NECAB1: variants seen among roughly 807,000 people sequenced by gnomAD.
The protein encoded by NECAB1 is N-terminal EF-hand calcium binding protein 1.
Under a neutral mutation model 57.5 loss-of-function variants are expected in NECAB1, and 29 were observed. The ratio of observed to expected loss-of-function variants is 0.50; its 90% CI spans 0.38 to 0.69. The LOEUF (loss-of-function observed/expected upper bound fraction) is 0.69. Among genes scored for constraint, NECAB1 ranks in the 30% least tolerant of loss-of-function variants. NECAB1 has a pLI of 0.00. For missense variants in NECAB1, 372 were observed against 413.8 expected, an observed-to-expected ratio of 0.90 and a Z score of 0.88; for synonymous variants, 142 against 147.7, an observed-to-expected ratio of 0.96 and a Z score of 0.28.
intron 2 of NECAB1, among the ~76,000 whole-genome samples, chr8:90,805,149 G>A (rs1432785052): frequency 6.6e-6 from 1 of 152,200 alleles, no homozygotes; most frequent in Non-Finnish European, 1.5e-5. Context: ...GAAAAGGATA[G>A]TGGATAATCT....
At chr8:90,846,666 G>A (rs929565258) in intron 3 of NECAB1, among the ~76,000 whole-genome samples, 1 of 152,198 alleles carries the variant, frequency 6.6e-6, no homozygotes, top group African/African-American at 2.4e-5. Context: ...AGGTTTAATG[G>A]ATTCACAGTT....
In NECAB1 at chr8:90,935,512, G is replaced by A. The variant is rs75710241; in HGVS notation, c.747+1155G>A. On this transcript the variant is annotated intron_variant, in intron 9 of 12. Coordinates refer to ENST00000417640, the MANE Select transcript of NECAB1 (RefSeq NM_022351.5). ...GGGAAAGAGAGGAGAGGGGTGTTGA[G>A]CACATATACATACTAAGAATAGCGG... Among the ~76,000 whole-genome samples the A allele has an allele frequency of 1.9e-3, 289 of 152,222 alleles. 1 individual carries two copies. Among genetic ancestry groups the A allele is most frequent in the African/African-American group, 6.7e-3 (277 of 41,528 alleles).
intron 1 of NECAB1, 55 bp downstream of exon 1, chr8:90,792,040 C>A: frequency 7.1e-7 from 1 of 1,405,422 alleles, no homozygotes; most frequent in Non-Finnish European, 9.8e-7. Context: ...TTCTTTTCCC[C>A]GAAAGGAAGG....
intron 4 of NECAB1, among the ~76,000 whole-genome samples, chr8:90,879,028 ATATTTAT>A (rs980639040): frequency 2.9e-3 from 417 of 142,824 alleles, no homozygotes; most frequent in Non-Finnish European, 3.8e-3. Flanking sequence ...AATATATATT[ATATTTAT>A]TATTTATTAT....
intron 3 of NECAB1, among the ~76,000 whole-genome samples, chr8:90,841,892 T>C (rs1812462519): frequency 6.6e-6 from 1 of 152,196 alleles, no homozygotes; most frequent in African/African-American, 2.4e-5. Flanking sequence ...TGCAGTTCTC[T>C]AAAAGGTGGA....
intron 2 of NECAB1, among the ~76,000 whole-genome samples, chr8:90,805,829 A>G (rs1368051469): frequency 6.6e-6 from 1 of 152,212 alleles, no homozygotes; most frequent in African/African-American, 2.4e-5. Flanking sequence ...AATTCTTACA[A>G]TAATCAAATT....
intron 2 of NECAB1, chr8:90,813,171 G>C (rs941500501): frequency 1.3e-5 from 2 of 151,958 alleles, no homozygotes; most frequent in Non-Finnish European, 2.9e-5. Context: ...CTGGGCGAAA[G>C]AGCGAGACTC....
chr8:90,867,564 C>T (rs763943635), intron 3 of NECAB1, among the ~76,000 whole-genome samples: 14 of 152,062 alleles, frequency 9.2e-5, no homozygotes, highest in South Asian at 2.1e-4. Flanking sequence ...TCTATCATTC[C>T]GAGACTTCTA....
intron 8 of NECAB1, among the ~76,000 whole-genome samples, chr8:90,931,905 A>T (rs1810416001): frequency 6.6e-6 from 1 of 150,574 alleles, no homozygotes; most frequent in Non-Finnish European, 1.5e-5. Flanking sequence ...CTCCATCTCA[A>T]AAAAATAAAA....
At chr8:90,824,572 TTTTC>T in intron 2 of NECAB1, 141 bp from the exon 3 acceptor site, 1 of 470,736 alleles carries the variant, frequency 2.1e-6, no homozygotes, top group Non-Finnish European at 3.8e-6. Flanking sequence ...ATTAAATTAT[TTTTC>T]TTTTTAACAC....
Position 90,917,349 on chromosome 8 carries a change from G to T in NECAB1, c.358-143G>T, listed in dbSNP as rs925398904. On this transcript the variant is annotated intron_variant, in intron 5 of 12. Transcript: ENST00000417640. ...TGAGAGTGATGCTGTAGCCTCCAGG[G>T]CTCGACAGATCTTTTCCCTTCTCTC... 4 of 598,534 alleles carry T rather than the reference G, an allele frequency of 6.7e-6. No individual in the cohort carries two copies. The African/African-American group carries it at 7.5e-5, about 11-fold the overall frequency. The allele number at this position is 598,534 out of a possible 1,614,324, so 37.1% of individuals were successfully genotyped here.
In NECAB1 at chr8:90,857,822, C is replaced by A. The variant is rs1812821222; in HGVS notation, c.234-14306C>A. Among the ~76,000 whole-genome samples, 3 of 151,980 alleles carry A rather than the reference C, an allele frequency of 2.0e-5. No homozygotes were observed. In the South Asian group the frequency reaches 6.2e-4, roughly 32 times the overall value. Reference sequence around the variant, plus strand: ...TTTACAATAATTAGTGAAAATTATTCAATTCTCATACATTAGTTATTTGCA... The same window carrying A: ...TTTACAATAATTAGTGAAAATTATTAAATTCTCATACATTAGTTATTTGCA... On this transcript the variant is annotated intron_variant, in intron 3 of 12. Transcript: ENST00000417640.
intron 12 of NECAB1, among the ~76,000 whole-genome samples, chr8:90,955,044 T>C: frequency 6.9e-6 from 1 of 145,048 alleles, no homozygotes; most frequent in Non-Finnish European, 1.5e-5. Context: ...TGCAGGTGCA[T>C]GTATGTACAT....
chr8:90,934,350 C>T lies in NECAB1; in HGVS notation c.740C>T (p.Thr247Ile). The change falls in exon 9 of 13, where the codon ACT becomes ATT. Residue 247 changes from threonine to isoleucine, a missense_variant. Transcript: ENST00000417640. ...GAAGAAGAAATTATTGAAGGGAATA[C>T]TAAATCTGTAAGTATTTTTATCAGG... ...PPEEEIIEGN[T>I]KSHIMLVQRQ... 2.7e-6 allele frequency: 4 copies of T among 1,495,902 alleles called. No individual in the cohort carries two copies. The highest frequency in any genetic ancestry group is 3.6e-6 in the Non-Finnish European group (4 of 1,115,430). The allele number at this position is 1,495,902 out of a possible 1,614,324, so 92.7% of individuals were successfully genotyped here. A position where few individuals can be genotyped will look rare whatever the true frequency, so the allele number is the denominator to read the frequency against.
At chr8:90,830,562 G>T (rs779949659) in intron 3 of NECAB1, among the ~76,000 whole-genome samples, 1 of 152,104 alleles carries the variant, frequency 6.6e-6, no homozygotes, top group Admixed American at 6.6e-5. Flanking sequence ...CTGTGCTCCA[G>T]GTATTCAGAC....
At position 90,949,870 on chromosome 8, in the gene NECAB1, T is replaced by C. The variant is rs374245319; in HGVS notation, c.924T>C (p.Ser308=). ...RYMIYEFWEN[S]SVWNSHLQTN... ...TGATCTATGAGTTCTGGGAGAATAG[T>C]AGTGTATGGAATAGGTAAGTTGTGA... Residue 308 remains serine (S), a synonymous_variant, in exon 11 of 13, where the codon AGT becomes AGC. Coordinates refer to ENST00000417640, the MANE Select transcript of NECAB1 (RefSeq NM_022351.5). 3.1e-6 allele frequency: 5 copies of C among 1,605,682 alleles called. No homozygotes were observed. Among genetic ancestry groups the C allele is most frequent in the East Asian group, 2.2e-5 (1 of 44,730 alleles).
chr8:90,839,267 G>A (rs1379479343), intron 3 of NECAB1, among the ~76,000 whole-genome samples: 2 of 152,198 alleles, frequency 1.3e-5, no homozygotes, highest in African/African-American at 4.8e-5. Context: ...CAGGAGATTA[G>A]GGAGAGAGGA....
chr8:90,867,856 T>C (rs533750610), intron 3 of NECAB1, among the ~76,000 whole-genome samples: 2 of 152,316 alleles, frequency 1.3e-5, no homozygotes, highest in East Asian at 3.9e-4. Flanking sequence ...ACTTGCAAAC[T>C]GTTCTCTTGC....
intron 8 of NECAB1, among the ~76,000 whole-genome samples, chr8:90,933,697 A>G (rs1396299584): frequency 6.6e-6 from 1 of 152,084 alleles, no homozygotes; most frequent in Non-Finnish European, 1.5e-5. Flanking sequence ...TGTACAAGCA[A>G]ATACCACCTG....
Sources: allele counts gnomAD v4.1 joint callset (sites outside exome capture counted in the v4.1 genomes callset), GRCh38; gene constraint gnomAD v4.1.1; transcripts MANE v1.5; gene names NCBI Gene and HGNC (gene_info 2026-07-23, HGNC 2026-07-21).